The following TOB2 variants were observed in gnomAD, a reference collection of about 807,000 sequenced individuals.
TOB2 encodes the protein transducer of ERBB2, 2.
In TOB2, 3 loss-of-function variants were observed where a neutral mutation model predicts 17.3. That is an observed-to-expected ratio of 0.17 (90% CI 0.08 to 0.45). TOB2 has a LOEUF of 0.45. Among genes scored for constraint, TOB2 ranks in the 20% least tolerant of loss-of-function variants. TOB2 has a pLI of 0.99. For missense variants in TOB2, 407 were observed against 445.7 expected (o/e 0.91, Z 0.78); for synonymous variants, 163 against 185.6 (o/e 0.88, Z 0.99).
intron 1 of TOB2, among the ~76,000 whole-genome samples, chr22:41,443,496 T>G (rs2037642859): frequency 6.6e-6 from 1 of 151,152 alleles, no homozygotes; most frequent in Non-Finnish European, 1.5e-5. Flanking sequence ...ATTTTTGTAT[T>G]TTTAGTAGAG....
rs745714506 is a variant in TOB2, at chr22:41,436,920, G to A, written c.426C>T (p.Pro142=). The part of the protein sequence containing the change: ...SFNPDAQVFV[P]IGSQDSSLSN... Reference sequence around the variant, plus strand: ...ACAGGGAGCTGTCCTGGCTGCCAATGGGCACGAACACCTGGGCGTCAGGGT... The same window carrying A: ...ACAGGGAGCTGTCCTGGCTGCCAATAGGCACGAACACCTGGGCGTCAGGGT... Residue 142 remains proline, a synonymous_variant, in exon 2 of 2, where the codon CCC becomes CCT. Transcript: ENST00000327492. This position sits in a 1 kb window ranked among gnomAD's most constrained non-coding sequence, Gnocchi z 4.8. 3.1e-6 allele frequency: 5 copies of A among 1,614,208 alleles called. No homozygotes were observed. Among genetic ancestry groups the A allele is most frequent in the South Asian group, 1.1e-5 (1 of 91,086 alleles).
intron 1 of TOB2, 45 bp from the exon 2 acceptor site, chr22:41,437,452 G>C: frequency 6.6e-7 from 1 of 1,508,792 alleles, no homozygotes; most frequent in African/African-American, 1.4e-5. Context: ...GAAAGCTGGT[G>C]GTGACCAACA....
chr22:41,442,094 CAAAA>C (rs34651461), intron 1 of TOB2, among the ~76,000 whole-genome samples: 4 of 105,882 alleles, frequency 3.8e-5, no homozygotes, highest in South Asian at 3.0e-4. Context: ...AATTCTGCCT[CAAAA>C]AAAAAAAAAA....
intron 1 of TOB2, 70 bp from the exon 2 acceptor site, chr22:41,437,477 G>A: frequency 6.8e-7 from 1 of 1,470,906 alleles, no homozygotes; most frequent in Non-Finnish European, 9.0e-7. Flanking sequence ...GGGATAGACA[G>A]AAAAGCACCA....
At position 41,436,227 on chromosome 22, in the gene TOB2, A is replaced by G. The variant is rs1055588995; in HGVS notation, c.*84T>C. On this transcript the variant is annotated 3_prime_UTR_variant, in exon 2 of 2. Transcript: ENST00000327492. The surrounding 1 kb of genome is among the most constrained non-coding windows in gnomAD (Gnocchi z 4.8). ...GAGAAGATCGAAAATCTTTTTGTAC[A>G]TTTTTCTTTTCCTCTTTTTTTTGGC... 4 of 1,457,460 alleles carry G rather than the reference A, an allele frequency of 2.7e-6. No individual in the cohort carries two copies. Among genetic ancestry groups the G allele is most frequent in the Admixed American group, 5.0e-5 (2 of 40,082 alleles). The allele number at this position is 1,457,460 out of a possible 1,614,324, so 90.3% of individuals were successfully genotyped here. A position where few individuals can be genotyped will look rare whatever the true frequency, so the allele number is the denominator to read the frequency against.
At chr22:41,441,589 G>A (rs1215171557) in intron 1 of TOB2, among the ~76,000 whole-genome samples, 1 of 151,994 alleles carries the variant, frequency 6.6e-6, no homozygotes, top group African/African-American at 2.4e-5. Context: ...GACCAGCCTG[G>A]CCAACGTGGC....
In TOB2 at chr22:41,437,275, C is replaced by G. The variant is rs1048725978; in HGVS notation, c.71G>C (p.Arg24Pro). 6.2e-7 allele frequency: 1 copy of G among 1,613,990 alleles called. No individual in the cohort carries two copies. The highest frequency in any genetic ancestry group is 8.5e-7 in the Non-Finnish European group (1 of 1,180,034). Reference sequence around the variant, plus strand: ...TAGCTCCTCCCCAAACAGGTCTGCCCGGCGCCGGGGCAGCTTGTTGTACAA... The same window carrying G: ...TAGCTCCTCCCCAAACAGGTCTGCCGGGCGCCGGGGCAGCTTGTTGTACAA... ...SYLYNKLPRRRADLFGEELER... is the reference protein window; with the variant it reads ...SYLYNKLPRRPADLFGEELER... The change falls in exon 2 of 2, where the codon CGG becomes CCG. Residue 24 changes from arginine (R) to proline (P), a missense_variant. By Grantham distance (103) the Arg-to-Pro change is moderately radical. Coordinates refer to ENST00000327492, the MANE Select transcript of TOB2 (RefSeq NM_016272.4).
At chr22:41,439,285 G>A (rs1382428899) in intron 1 of TOB2, among the ~76,000 whole-genome samples, 1 of 152,164 alleles carries the variant, frequency 6.6e-6, no homozygotes, top group Non-Finnish European at 1.5e-5. Context: ...GAACTGTCAA[G>A]GGCATCTTCT....
At chr22:41,441,056 G>A (rs747806225) in intron 1 of TOB2, among the ~76,000 whole-genome samples, 57 of 152,112 alleles carry the variant, frequency 3.7e-4, no homozygotes, top group Admixed American at 5.9e-4. Flanking sequence ...GGTGACTCAC[G>A]CCTGTAATCC....
In TOB2 at chr22:41,446,488, C is replaced by T. The variant is rs187286083; in HGVS notation, c.-172G>A. ...CTCTCCTTTCCTTCCCGGGCGTCGC[C>T]GGGCCAGGGGACCGAAGTCCTTTTC... is the stretch of plus-strand genomic sequence containing the variant. On this transcript the variant is annotated 5_prime_UTR_variant, in exon 1 of 2. Transcript: ENST00000327492. 449 of 152,642 alleles carry T rather than the reference C, an allele frequency of 2.9e-3. 3 individuals are homozygous for T. The highest frequency in any genetic ancestry group is 0.022 in the South Asian group (108 of 4,858). 9.5% of individuals were successfully genotyped at this position (152,642 alleles called of 1,614,324 possible). A position where few individuals can be genotyped will look rare whatever the true frequency, so the allele number is the denominator to read the frequency against.
chr22:41,439,384 A>AT (rs2037588739), intron 1 of TOB2, among the ~76,000 whole-genome samples: 1 of 151,986 alleles, frequency 6.6e-6, no homozygotes, highest in Admixed American at 6.6e-5. Context: ...AGGCTTGGGG[A>AT]TTTTGAGTTT....
rs1183408852 is a variant in TOB2, at chr22:41,433,702, C to T, written c.*2609G>A. 3.3e-5 allele frequency: 15 copies of T among 449,000 alleles called. No individual in the cohort carries two copies. The highest frequency in any genetic ancestry group is 1.1e-4 in the Admixed American group (4 of 37,494). The allele number at this position is 449,000 out of a possible 1,614,324, so 27.8% of individuals were successfully genotyped here. ...GAAAAAAGTTCATGACCCTGCTCCC[C>T]GGGCTCCTCTCCAGGCTTGCCTCAA... is the stretch of plus-strand genomic sequence containing the variant. On this transcript the variant is annotated 3_prime_UTR_variant, in exon 2 of 2. Transcript: ENST00000327492.
Position 41,436,086 on chromosome 22 carries a change from C to A in TOB2, c.*225G>T. The A allele has an allele frequency of 2.2e-6, 1 of 451,632 alleles. No individual in the cohort carries two copies. The highest frequency in any genetic ancestry group is 3.8e-6 in the Non-Finnish European group (1 of 266,026). 28.0% of individuals were successfully genotyped at this position (451,632 alleles called of 1,614,324 possible). On this transcript the variant is annotated 3_prime_UTR_variant, in exon 2 of 2. Coordinates refer to ENST00000327492, the MANE Select transcript of TOB2 (RefSeq NM_016272.4). This position sits in a 1 kb window ranked among gnomAD's most constrained non-coding sequence, Gnocchi z 4.8. ...AAAGAAATATAAAACCCAAACCAAC[C>A]AAATAAATCACAGGCCGGTGGGCGA...
chr22:41,435,519 G>A lies in TOB2; in HGVS notation c.*792C>T, dbSNP rs1233578618. ...CCTCCCTACCCACAACATCCAGCCT[G>A]GGGAAGAAGGGGCTGCATGAGGGAA... On this transcript the variant is annotated 3_prime_UTR_variant, in exon 2 of 2. Transcript: ENST00000327492. 6.6e-6 allele frequency: 1 copy of A among 152,612 alleles called. No individual in the cohort carries two copies. Among genetic ancestry groups the A allele is most frequent in the African/African-American group, 2.4e-5 (1 of 41,438 alleles). 9.5% of individuals were successfully genotyped at this position (152,612 alleles called of 1,614,324 possible).
Position 41,436,748 on chromosome 22 carries a change from C to T in TOB2, c.598G>A (p.Gly200Ser), listed in dbSNP as rs146030542. Residue 200 changes from glycine to serine, a missense_variant, in exon 2 of 2, where the codon GGT (glycine) becomes AGT (serine). Coordinates refer to ENST00000327492, the MANE Select transcript of TOB2 (RefSeq NM_016272.4). This position sits in a 1 kb window ranked among gnomAD's most constrained non-coding sequence, Gnocchi z 4.8. The part of the protein sequence containing the change: ...KMKKGGGAAS[G>S]GGVASSGAGG... ...GCCCCACTGCTGGCTACACCCCCACCACTTGCTGCCCCGCCCCCCTTCTTC... is the reference window on the plus strand; with the variant it reads ...GCCCCACTGCTGGCTACACCCCCACTACTTGCTGCCCCGCCCCCCTTCTTC... The T allele has an allele frequency of 2.6e-5, 42 of 1,613,660 alleles. No homozygotes were observed. Among genetic ancestry groups the T allele is most frequent in the Non-Finnish European group, 3.6e-5 (42 of 1,179,872 alleles).
intron 1 of TOB2, among the ~76,000 whole-genome samples, chr22:41,443,330 C>T (rs1166012081): frequency 1.3e-5 from 2 of 151,950 alleles, no homozygotes; most frequent in Non-Finnish European, 2.9e-5. Context: ...AGATTTTTTT[C>T]CCCCCCTCGA....
At chr22:41,437,948 CAAAAAAAAAAAAAAAAAAA>C (rs35151486) in intron 1 of TOB2, among the ~76,000 whole-genome samples, 1 of 44,478 alleles carries the variant, frequency 2.2e-5, no homozygotes, top group East Asian at 7.4e-4. Context: ...GACTCCATCT[CAAAAAAAAAAAAAAAAAAA>C]AAAAAAAAAG....
chr22:41,437,008 T>C lies in TOB2; in HGVS notation c.338A>G (p.Tyr113Cys). The change falls in exon 2 of 2, where the codon TAC becomes TGC. Residue 113 changes from tyrosine to cysteine, a missense_variant. Tyr to Cys is a radical substitution (Grantham distance 194, BLOSUM62 -2). Coordinates refer to ENST00000327492, the MANE Select transcript of TOB2 (RefSeq NM_016272.4). ...ACCGCAACCCTCACTGTCATCCAGG[T>C]ACAGCACTTTCACAGCTCCCTTCTC... ...IGEKGAVKVL[Y>C]LDDSEGCGAP... 6.2e-7 allele frequency: 1 copy of C among 1,614,126 alleles called. No homozygotes were observed. Among genetic ancestry groups the C allele is most frequent in the Non-Finnish European group, 8.5e-7 (1 of 1,180,032 alleles).
Position 41,436,729 on chromosome 22 carries a change from C to G in TOB2, c.617G>C (p.Ser206Thr). The G allele has an allele frequency of 6.2e-7, 1 of 1,613,426 alleles. No individual in the cohort carries two copies. The highest frequency in any genetic ancestry group is 8.5e-7 in the Non-Finnish European group (1 of 1,179,782). The change falls in exon 2 of 2, where the codon AGT becomes ACT. Residue 206 changes from serine (S) to threonine (T), a missense_variant. Transcript: ENST00000327492. This position sits in a 1 kb window ranked among gnomAD's most constrained non-coding sequence, Gnocchi z 4.8. ...TGGTGGCTGCTGGCCACCCGCCCCA[C>G]TGCTGGCTACACCCCCACCACTTGC... ...GAASGGGVAS[S>T]GAGGQQPPQQ...
Sources: allele counts gnomAD v4.1 joint callset (sites outside exome capture counted in the v4.1 genomes callset), GRCh38; gene constraint gnomAD v4.1.1; non-coding constraint Gnocchi (gnomAD v3.1); transcripts MANE v1.5; gene names NCBI Gene and HGNC (gene_info 2026-07-23, HGNC 2026-07-21).